PALM2AKAP2: variants seen among roughly 807,000 people sequenced by gnomAD.
PALM2AKAP2 encodes PALM2-AKAP2 fusion protein.
In PALM2AKAP2, 37 loss-of-function variants were observed where a neutral mutation model predicts 71.5. That is an observed-to-expected ratio of 0.52 (90% CI 0.40 to 0.68). The LOEUF (loss-of-function observed/expected upper bound fraction) is 0.68, where lower values mean the gene tolerates loss of function less well. Among genes scored for constraint, PALM2AKAP2 ranks in the 30% least tolerant of loss-of-function variants. PALM2AKAP2 has a pLI of 0.00. For synonymous variants in PALM2AKAP2, 468 were observed against 478.8 expected, an observed-to-expected ratio of 0.98 and a Z score of 0.29; for missense variants, 1,224 against 1,191.8, an observed-to-expected ratio of 1.03 and a Z score of -0.40.
At chr9:109,871,592 C>CA (rs1287317742) in intron 2 of PALM2AKAP2, among the ~76,000 whole-genome samples, 1 of 152,122 alleles carries the variant, frequency 6.6e-6, no homozygotes, top group Non-Finnish European at 1.5e-5. Flanking sequence ...AGAACCCATG[C>CA]AGAGGTAAAT....
intron 1 of PALM2AKAP2, among the ~76,000 whole-genome samples, chr9:110,080,498 G>T (rs139356933): frequency 2.4e-4 from 37 of 151,966 alleles, no homozygotes; most frequent in Non-Finnish European, 5.0e-4. Context: ...GGTGTAGGAA[G>T]AGATGGGAAA....
chr9:110,005,653 T>C (rs1360305495), intron 6 of PALM2AKAP2, among the ~76,000 whole-genome samples: 2 of 152,214 alleles, frequency 1.3e-5, no homozygotes, highest in East Asian at 3.9e-4. Context: ...GCAGGCCTCC[T>C]TGAGGTGCGG....
intron 3 of PALM2AKAP2, among the ~76,000 whole-genome samples, chr9:109,919,830 G>A (rs1354890305): frequency 6.6e-6 from 1 of 151,454 alleles, no homozygotes; most frequent in Non-Finnish European, 1.5e-5. Flanking sequence ...CCACAATAAT[G>A]CTAACTAACA....
intron 3 of PALM2AKAP2, among the ~76,000 whole-genome samples, chr9:109,910,021 G>GGTT (rs1239177857): frequency 6.6e-6 from 1 of 152,190 alleles, no homozygotes; most frequent in African/African-American, 2.4e-5. Flanking sequence ...TTGGTTAGAA[G>GGTT]GTTGTTGCAG....
rs113696697 is a variant in PALM2AKAP2, at chr9:109,957,134, C to T, written c.496+25106C>T. Among the ~76,000 whole-genome samples the T allele has an allele frequency of 3.6e-3, 543 of 152,258 alleles. 4 individuals carry two copies. Among genetic ancestry groups the T allele is most frequent in the African/African-American group, 0.012 (519 of 41,550 alleles). On this transcript the variant is annotated intron_variant, in intron 6 of 9. Coordinates refer to the PALM2AKAP2 transcript ENST00000302798. ...TTAAACTCTCCAGTAAGATCACGAT[C>T]GTTTAAACAAACAAAAGTAACATCT...
intron 7 of PALM2AKAP2, among the ~76,000 whole-genome samples, chr9:110,032,556 T>C (rs1833299398): frequency 6.6e-6 from 1 of 151,936 alleles, no homozygotes; most frequent in Non-Finnish European, 1.5e-5. Context: ...CTGGGCATGG[T>C]GGCGCGTGCC....
At chr9:109,922,256 C>CA (rs1170449198) in intron 3 of PALM2AKAP2, among the ~76,000 whole-genome samples, 7 of 149,238 alleles carry the variant, frequency 4.7e-5, no homozygotes, top group East Asian at 2.0e-4. Flanking sequence ...CTCACCTCTA[C>CA]AAAAAAAAAT....
chr9:109,857,867 A>G (rs576182463), intron 1 of PALM2AKAP2, among the ~76,000 whole-genome samples: 48 of 152,374 alleles, frequency 3.2e-4, no homozygotes, highest in African/African-American at 1.1e-3. Flanking sequence ...CAAGGCATCA[A>G]TAAACTCAGT....
chr9:110,058,625 T>C (rs75619969), intron 1 of PALM2AKAP2, among the ~76,000 whole-genome samples: 1,627 of 152,214 alleles, frequency 0.011, 37 homozygotes, highest in African/African-American at 0.038. Context: ...CCTCCCTGCC[T>C]GCGTGGATCC....
intron 1 of PALM2AKAP2, among the ~76,000 whole-genome samples, chr9:110,072,401 C>A (rs1271638691): frequency 7.9e-5 from 12 of 152,150 alleles, no homozygotes; most frequent in Non-Finnish European, 1.6e-4. Context: ...AAACTGCCTG[C>A]TACTAAGCTT....
At chr9:110,132,266 G>C (rs978213009) in intron 1 of PALM2AKAP2, among the ~76,000 whole-genome samples, 1 of 152,066 alleles carries the variant, frequency 6.6e-6, no homozygotes, top group Non-Finnish European at 1.5e-5. Context: ...TGTTGGCCAG[G>C]CTGGTGTCGA....
In PALM2AKAP2 at chr9:109,642,099, C is replaced by T. The variant is rs187070847; in HGVS notation, c.5+1233C>T. 7.2e-5 allele frequency among the ~76,000 whole-genome samples: 11 copies of T among 152,216 alleles called. 1 individual carries two copies. Among genetic ancestry groups the T allele is most frequent in the African/African-American group, 2.6e-4 (11 of 41,540 alleles). ...CACTTTGAAGCATTATTGAGAGGAT[C>T]ATGTAATATCTGTATCTCTTCCAAA... On this transcript the variant is annotated intron_variant, in intron 1 of 6. Transcript: ENST00000374531.
At chr9:110,024,848 A>T in intron 7 of PALM2AKAP2, 3 of 723,570 alleles carry the variant, frequency 4.1e-6, no homozygotes, top group Non-Finnish European at 7.3e-6. Flanking sequence ...AACAGCCCAG[A>T]GGTCTTTTAT....
intron 1 of PALM2AKAP2, among the ~76,000 whole-genome samples, chr9:109,863,260 G>A (rs1191123907): frequency 6.6e-6 from 1 of 152,116 alleles, no homozygotes; most frequent in Non-Finnish European, 1.5e-5. Context: ...GAGGGTTAAG[G>A]CAATACTCAA....
chr9:109,991,229 C>T (rs1832474882), intron 6 of PALM2AKAP2, among the ~76,000 whole-genome samples: 1 of 69,368 alleles, frequency 1.4e-5, no homozygotes, highest in South Asian at 4.7e-4. Flanking sequence ...TAACCATCAT[C>T]ACATTTTTTT....
upstream of PALM2AKAP2, among the ~76,000 whole-genome samples, chr9:110,047,282 T>C (rs116779133): frequency 2.0e-5 from 3 of 152,328 alleles, no homozygotes; most frequent in African/African-American, 4.8e-5. Context: ...GAACAGCTGA[T>C]GTCCCATTGT....
intron 1 of PALM2AKAP2, among the ~76,000 whole-genome samples, chr9:110,069,847 G>GC (rs1834166350): frequency 1.3e-5 from 2 of 152,242 alleles, no homozygotes; most frequent in Non-Finnish European, 2.9e-5. Flanking sequence ...TATCAGCAGT[G>GC]ATGCAAACAT....
intron 1 of PALM2AKAP2, among the ~76,000 whole-genome samples, chr9:109,665,811 G>C (rs971812613): frequency 1.3e-5 from 2 of 152,238 alleles, no homozygotes; most frequent in Non-Finnish European, 2.9e-5. Flanking sequence ...GGAGTCTAGA[G>C]ACAGTAGGCC....
intron 1 of PALM2AKAP2, among the ~76,000 whole-genome samples, chr9:109,852,767 C>T (rs1829057531): frequency 6.6e-6 from 1 of 152,120 alleles, no homozygotes; most frequent in Admixed American, 6.5e-5. Context: ...TTTTGGTTTG[C>T]ATCTCTCTGA....
Sources: gnomAD v4.1 joint callset for allele counts (sites outside exome capture counted in the v4.1 genomes callset) on GRCh38, gnomAD v4.1.1 for gene constraint, MANE v1.5 for transcripts, NCBI Gene and HGNC (gene_info 2026-07-23, HGNC 2026-07-21) for gene names.